The following EPB41L1 variants were observed in gnomAD, a reference collection of about 807,000 sequenced individuals.
EPB41L1 encodes band 4.1-like protein 1.
In EPB41L1, 29 loss-of-function variants were observed where a neutral mutation model predicts 97.8. The ratio of observed to expected loss-of-function variants is 0.30; its 90% CI spans 0.22 to 0.40. The LOEUF (loss-of-function observed/expected upper bound fraction) is 0.40. Among genes scored for constraint, EPB41L1 ranks in the 10% least tolerant of loss-of-function variants. The pLI, the probability that EPB41L1 is intolerant of heterozygous loss-of-function variation, is 1.00. For synonymous variants in EPB41L1, 383 were observed against 459.2 expected, an observed-to-expected ratio of 0.83 and a Z score of 2.12; for missense variants, 812 against 1,162.3, an observed-to-expected ratio of 0.70 and a Z score of 4.38.
intron 1 of EPB41L1, among the ~76,000 whole-genome samples, chr20:36,100,096 C>A (rs1249739381): frequency 6.6e-6 from 1 of 152,206 alleles, no homozygotes; most frequent in Non-Finnish European, 1.5e-5. Flanking sequence ...CTGTTGACAG[C>A]CAGGGTGGCA....
chr20:36,119,371 G>A lies in EPB41L1; in HGVS notation c.-10+6891G>A, dbSNP rs2058678956. ...TAATCCCAGCACTTTGGGAGGCTGAGGTGGGCAGATCGCTGGAGGTCAGTA... is the reference window on the plus strand; with the variant it reads ...TAATCCCAGCACTTTGGGAGGCTGAAGTGGGCAGATCGCTGGAGGTCAGTA... On this transcript the variant is annotated intron_variant, in intron 2 of 19. Transcript: ENST00000202028. Among the ~76,000 whole-genome samples the A allele has an allele frequency of 2.6e-5, 4 of 152,290 alleles. No individual in the cohort carries two copies. In the South Asian group the frequency reaches 8.3e-4, roughly 32 times the overall value.
intron 1 of EPB41L1, among the ~76,000 whole-genome samples, chr20:36,156,698 C>T (rs1354592077): frequency 1.3e-5 from 2 of 152,092 alleles, no homozygotes; most frequent in African/African-American, 4.8e-5. Flanking sequence ...CAGCCCTTGC[C>T]CTCAGTAGGT....
chr20:36,127,973 G>A (rs558219414), intron 2 of EPB41L1, among the ~76,000 whole-genome samples: 4 of 152,078 alleles, frequency 2.6e-5, no homozygotes, highest in African/African-American at 7.2e-5. Context: ...CACCTGGACC[G>A]AGCCCCAGGG....
chr20:36,139,127 G>A (rs2059536745), intron 2 of EPB41L1, among the ~76,000 whole-genome samples: 1 of 152,214 alleles, frequency 6.6e-6, no homozygotes, highest in South Asian at 2.1e-4. Flanking sequence ...GCCCAAGAGG[G>A]CCAGCTTCCT....
intron 2 of EPB41L1, among the ~76,000 whole-genome samples, chr20:36,139,740 A>ATTTATTTATTTATTTATTTTTTT (rs943742073): frequency 1.3e-5 from 2 of 151,648 alleles, no homozygotes; most frequent in African/African-American, 4.9e-5. Flanking sequence ...TTATTTATTT[A>ATTTATTTATTTATTTATTTTTTT]TTTTTTTTAA....
intron 2 of EPB41L1, among the ~76,000 whole-genome samples, chr20:36,174,374 G>C (rs1175510903): frequency 6.6e-6 from 1 of 151,980 alleles, no homozygotes; most frequent in Non-Finnish European, 1.5e-5. Flanking sequence ...CCGGGTTCAA[G>C]CAATTCTCCT....
chr20:36,189,688 A>C (rs1374866392), intron 9 of EPB41L1, among the ~76,000 whole-genome samples: 1 of 151,990 alleles, frequency 6.6e-6, no homozygotes, highest in Non-Finnish European at 1.5e-5. Context: ...GCTGCACCAC[A>C]CATCTCCCTT....
Position 36,207,316 on chromosome 20 carries a change from G to C in EPB41L1, c.1669-2172G>C, listed in dbSNP as rs1401209031. The stretch of plus-strand genomic sequence containing the variant: ...CATCACCAGCAGAAAGCCCAGAGTA[G>C]TCCCTGAAGAAGCTGAGGGGCGCAT... On this transcript the variant is annotated intron_variant, in intron 14 of 21. Coordinates refer to ENST00000338074, the MANE Select transcript of EPB41L1 (RefSeq NM_012156.2). The surrounding 1 kb of genome is among the most constrained non-coding windows in gnomAD (Gnocchi z 4.9). 1 of 1,285,252 alleles carries C rather than the reference G, an allele frequency of 7.8e-7. No individual in the cohort carries two copies. Among genetic ancestry groups the C allele is most frequent in the East Asian group, 5.6e-5 (1 of 17,942 alleles). The allele number at this position is 1,285,252 out of a possible 1,614,324, so 79.6% of individuals were successfully genotyped here. A position where few individuals can be genotyped will look rare whatever the true frequency, so the allele number is the denominator to read the frequency against.
intron 1 of EPB41L1, among the ~76,000 whole-genome samples, chr20:36,168,624 A>G (rs959727880): frequency 2.7e-4 from 41 of 151,206 alleles, no homozygotes; most frequent in Admixed American, 5.3e-4. Flanking sequence ...TCCGACTCCC[A>G]GTTCAAGCCA....
rs896749038 is a variant in EPB41L1 at position 36,207,706 on chromosome 20, G to A, written c.1669-1782G>A. The A allele has an allele frequency of 7.8e-7, 1 of 1,290,042 alleles. No individual in the cohort carries two copies. The highest frequency in any genetic ancestry group is 1.0e-6 in the Non-Finnish European group (1 of 988,914). 79.9% of individuals were successfully genotyped at this position (1,290,042 alleles called of 1,614,324 possible). A position where few individuals can be genotyped will look rare whatever the true frequency, so the allele number is the denominator to read the frequency against. ...GGACACTTCTGCATCCTACCAGGAA[G>A]CACACACGGAACTAGAGCCCGTGTC... On this transcript the variant is annotated intron_variant, in intron 14 of 21. Transcript: ENST00000338074. This position sits in a 1 kb window ranked among gnomAD's most constrained non-coding sequence, Gnocchi z 4.9.
rs1260127096 is a variant in EPB41L1 at position 36,207,958 on chromosome 20, G to A, written c.1669-1530G>A. Among the ~76,000 whole-genome samples, 1 of 152,238 alleles carries A rather than the reference G, an allele frequency of 6.6e-6. No individual in the cohort carries two copies. The highest frequency in any genetic ancestry group is 2.4e-5 in the African/African-American group (1 of 41,452). ...AACGGGCCTGGGTGTAGCTCAGGCTGAATGATGGGCTTCTCTGCTTGGCCC... is the reference window on the plus strand; with the variant it reads ...AACGGGCCTGGGTGTAGCTCAGGCTAAATGATGGGCTTCTCTGCTTGGCCC... On this transcript the variant is annotated intron_variant, in intron 14 of 21. Coordinates refer to ENST00000338074, the MANE Select transcript of EPB41L1 (RefSeq NM_012156.2). This position sits in a 1 kb window ranked among gnomAD's most constrained non-coding sequence, Gnocchi z 4.9.
chr20:36,127,869 A>C (rs1220908117), intron 2 of EPB41L1, among the ~76,000 whole-genome samples: 2 of 151,926 alleles, frequency 1.3e-5, no homozygotes, highest in African/African-American at 2.4e-5. Context: ...ACCAGCCTTG[A>C]GCATTGTTTT....
intron 1 of EPB41L1, among the ~76,000 whole-genome samples, chr20:36,100,899 C>A (rs908050899): frequency 6.6e-6 from 1 of 152,164 alleles, no homozygotes; most frequent in Non-Finnish European, 1.5e-5. Context: ...CCTTGGGGCC[C>A]GCCAAGGCTC....
intron 2 of EPB41L1, among the ~76,000 whole-genome samples, chr20:36,127,052 C>T (rs1217405632): frequency 1.3e-5 from 2 of 152,208 alleles, no homozygotes; most frequent in Non-Finnish European, 2.9e-5. Context: ...CTAGTGGCAG[C>T]GGGAGGGCCC....
intron 1 of EPB41L1, among the ~76,000 whole-genome samples, chr20:36,156,593 G>A (rs2060311471): frequency 6.6e-6 from 1 of 152,204 alleles, no homozygotes. Context: ...TGCTGCGGTG[G>A]TTGTGCTATA....
chr20:36,094,158 C>T (rs2057756393), intron 1 of EPB41L1, among the ~76,000 whole-genome samples: 1 of 152,102 alleles, frequency 6.6e-6, no homozygotes, highest in African/African-American at 2.4e-5. Flanking sequence ...GTATAGTGAA[C>T]AGTGAAAATG....
Position 36,182,353 on chromosome 20 carries a change from G to A in EPB41L1, c.566+6G>A, listed in dbSNP as rs367691560. The A allele has an allele frequency of 6.2e-7, 1 of 1,614,002 alleles. No homozygotes were observed. The highest frequency in any genetic ancestry group is 1.1e-5 in the South Asian group (1 of 91,084). ...CTGACAGAAGACATCACAAGGTGAG[G>A]GCTGTGGAGGGAGAGACAGGTGTGC... On this transcript the variant is annotated splice_donor_region_variant and intron_variant, in intron 6 of 21. Transcript: ENST00000338074.
intron 2 of EPB41L1, among the ~76,000 whole-genome samples, chr20:36,127,150 TCA>T (rs2059003921): frequency 6.6e-6 from 1 of 152,206 alleles, no homozygotes; most frequent in Non-Finnish European, 1.5e-5. Context: ...TGAGATGAGC[TCA>T]GAGATATGAC....
Position 36,218,919 on chromosome 20 carries a change from C to T in EPB41L1, c.2312C>T (p.Pro771Leu), listed in dbSNP as rs2063603169. 3.7e-6 allele frequency: 6 copies of T among 1,614,228 alleles called. No homozygotes were observed. Among genetic ancestry groups the T allele is most frequent in the Non-Finnish European group, 5.1e-6 (6 of 1,180,052 alleles). ...GGGAAGGGGGCAGCTGCCATGATCCCAGGCCCACAGACGGTGGCCACGGAA... is the reference window on the plus strand; with the variant it reads ...GGGAAGGGGGCAGCTGCCATGATCCTAGGCCCACAGACGGTGGCCACGGAA... ...KSGKGAAAMI[P>L]GPQTVATEIR... The change falls in exon 18 of 22, where the codon CCA becomes CTA. Residue 771 changes from proline (P) to leucine (L), a missense_variant. Physicochemically the swap from Pro to Leu is moderately conservative, Grantham distance 98. Around this residue, in one of 3 missense-constraint regions of EPB41L1, gnomAD observed 498 missense variants for 622.7 expected, o/e 0.80. Transcript: ENST00000338074.
Sources: gnomAD v4.1 joint callset for allele counts (sites outside exome capture counted in the v4.1 genomes callset) on GRCh38, gnomAD v4.1.1 for gene constraint, gnomAD v4.1.1 regional missense constraint, Gnocchi (gnomAD v3.1) non-coding constraint, MANE v1.5 for transcripts, NCBI Gene and HGNC (gene_info 2026-07-23, HGNC 2026-07-21) for gene names.